Variants in DOK6 observed in about 807,000 individuals in gnomAD.
DOK6 encodes docking protein 6.
DOK6 carries 22 observed loss-of-function variants against 44.0 expected under a neutral mutation model. The ratio of observed to expected loss-of-function variants is 0.50; its 90% CI spans 0.36 to 0.71. The LOEUF (loss-of-function observed/expected upper bound fraction) is 0.71, where lower values mean the gene tolerates loss of function less well. Among genes scored for constraint, DOK6 ranks in the 30% least tolerant of loss-of-function variants. The pLI is 0.00. For missense variants in DOK6, 340 were observed against 416.4 expected (o/e 0.82, Z 1.60); for synonymous variants, 166 against 145.5 (o/e 1.14, Z -1.01).
At chr18:69,466,851 C>T (rs553432053) in intron 1 of DOK6, among the ~76,000 whole-genome samples, 12 of 151,924 alleles carry the variant, frequency 7.9e-5, no homozygotes, top group Non-Finnish European at 1.2e-4. Context: ...AGAAGGCCCC[C>T]TCTTCTGTGT....
chr18:69,545,240 C>A (rs1302883541), intron 1 of DOK6, among the ~76,000 whole-genome samples: 3 of 150,972 alleles, frequency 2.0e-5, no homozygotes, highest in Non-Finnish European at 4.4e-5. Flanking sequence ...AAGCTGGGAA[C>A]TTGAAGGGTG....
chr18:69,782,827 CAT>C (rs990661088), intron 7 of DOK6, among the ~76,000 whole-genome samples: 1 of 152,156 alleles, frequency 6.6e-6, no homozygotes, highest in African/African-American at 2.4e-5. Context: ...AAACAGGTCA[CAT>C]GTGATTTAAA....
At chr18:69,593,177 T>C (rs1413912195) in intron 2 of DOK6, among the ~76,000 whole-genome samples, 1 of 151,912 alleles carries the variant, frequency 6.6e-6, no homozygotes, top group Non-Finnish European at 1.5e-5. Context: ...CCAGACTGTA[T>C]AACATAGAGA....
intron 6 of DOK6, among the ~76,000 whole-genome samples, chr18:69,751,190 G>T (rs1202492112): frequency 1.3e-5 from 2 of 152,104 alleles, no homozygotes; most frequent in Non-Finnish European, 2.9e-5. Context: ...GTGTTCTATT[G>T]TGGCAAATAT....
intron 5 of DOK6, among the ~76,000 whole-genome samples, chr18:69,731,704 G>A (rs1402033097): frequency 6.6e-6 from 1 of 152,004 alleles, no homozygotes; most frequent in African/African-American, 2.4e-5. Flanking sequence ...TCCTCAAAAT[G>A]TTGAAAAAAA....
At chr18:69,810,714 C>T (rs1209843490) in intron 7 of DOK6, among the ~76,000 whole-genome samples, 1 of 151,632 alleles carries the variant, frequency 6.6e-6, no homozygotes, top group Admixed American at 6.6e-5. Context: ...ATGAAAAATG[C>T]TCAACATCAC....
intron 7 of DOK6, among the ~76,000 whole-genome samples, chr18:69,823,716 A>G (rs1490534984): frequency 6.6e-6 from 1 of 151,622 alleles, no homozygotes. Flanking sequence ...CTCTTATATC[A>G]GCATCTTCCT....
intron 1 of DOK6, among the ~76,000 whole-genome samples, chr18:69,416,667 C>T (rs1469426374): frequency 1.3e-5 from 2 of 152,128 alleles, no homozygotes; most frequent in East Asian, 3.9e-4. Flanking sequence ...ATTGTATGAC[C>T]TATCATCCTC....
At chr18:69,593,151 G>A (rs924511208) in intron 2 of DOK6, among the ~76,000 whole-genome samples, 1 of 152,018 alleles carries the variant, frequency 6.6e-6, no homozygotes, top group African/African-American at 2.4e-5. Flanking sequence ...GGTAGCTTGA[G>A]GCCAAGAGTT....
intron 1 of DOK6, among the ~76,000 whole-genome samples, chr18:69,439,003 T>C (rs1339231485): frequency 6.6e-6 from 1 of 152,050 alleles, no homozygotes; most frequent in Non-Finnish European, 1.5e-5. Flanking sequence ...GCCTGGGAGA[T>C]GGAGGCTGCA....
intron 1 of DOK6, among the ~76,000 whole-genome samples, chr18:69,431,423 C>G (rs1978803993): frequency 6.6e-6 from 1 of 152,154 alleles, no homozygotes; most frequent in Non-Finnish European, 1.5e-5. Context: ...AGGTTTCATT[C>G]TTATTTACAT....
At chr18:69,780,857 C>A (rs1379836115) in intron 7 of DOK6, among the ~76,000 whole-genome samples, 1 of 152,120 alleles carries the variant, frequency 6.6e-6, no homozygotes, top group Non-Finnish European at 1.5e-5. Context: ...GAAGAAAGCT[C>A]TGTGTTTCCG....
At chr18:69,403,097 A>G (rs1916133905) in intron 1 of DOK6, among the ~76,000 whole-genome samples, 1 of 152,128 alleles carries the variant, frequency 6.6e-6, no homozygotes, top group Non-Finnish European at 1.5e-5. Flanking sequence ...TCGCAATTGT[A>G]TCTGATGCCT....
In DOK6 at chr18:69,843,504, A is replaced by G. The variant is rs1599356297; in HGVS notation, c.*2121A>G. ...CACCACAAGTTTCTACAAGGGACTT[A>G]TGGGGAACGGCCCTCAGGGGTCCTG... On this transcript the variant is annotated 3_prime_UTR_variant, in exon 8 of 8. Transcript: ENST00000382713. 6.6e-6 allele frequency: 1 copy of G among 152,354 alleles called. No homozygotes were observed. The highest frequency in any genetic ancestry group is 1.9e-4 in the East Asian group (1 of 5,192). 9.4% of individuals were successfully genotyped at this position (152,354 alleles called of 1,614,324 possible).
intron 3 of DOK6, among the ~76,000 whole-genome samples, chr18:69,655,761 C>CAAAAAAAAA (rs74175379): frequency 5.3e-4 from 23 of 43,146 alleles, no homozygotes; most frequent in South Asian, 1.0e-3. Context: ...CCCCACCCCT[C>CAAAAAAAAA]AAAAAAAAAA....
intron 3 of DOK6, among the ~76,000 whole-genome samples, chr18:69,612,077 T>C (rs1182623959): frequency 1.3e-5 from 2 of 152,176 alleles, no homozygotes; most frequent in African/African-American, 4.8e-5. Flanking sequence ...TGGGGGAAAC[T>C]GGACAAAATG....
chr18:69,656,925 T>G (rs940904246), intron 3 of DOK6, among the ~76,000 whole-genome samples: 1 of 152,194 alleles, frequency 6.6e-6, no homozygotes, highest in East Asian at 1.9e-4. Context: ...AGTCCAAGAA[T>G]CCACTCTAAC....
chr18:69,750,557 TAAA>T (rs111352456), intron 6 of DOK6, among the ~76,000 whole-genome samples: 72 of 152,198 alleles, frequency 4.7e-4, no homozygotes, highest in African/African-American at 1.5e-3. Context: ...ATGGCTATTA[TAAA>T]AAGATGAAAG....
chr18:69,498,426 G>A (rs1980954710), intron 1 of DOK6, among the ~76,000 whole-genome samples: 1 of 152,112 alleles, frequency 6.6e-6, no homozygotes, highest in Non-Finnish European at 1.5e-5. Context: ...ATGAGTCCCA[G>A]ACAGGGCCAT....
Sources: allele counts gnomAD v4.1 joint callset (sites outside exome capture counted in the v4.1 genomes callset), GRCh38; gene constraint gnomAD v4.1.1; transcripts MANE v1.5; gene names NCBI Gene and HGNC (gene_info 2026-07-23, HGNC 2026-07-21).